Variants in CCDC169 observed in about 807,000 individuals in gnomAD.
CCDC169 encodes the protein coiled-coil domain-containing protein 169.
Under a neutral mutation model 36.0 loss-of-function variants are expected in CCDC169, and 30 were observed. That is an observed-to-expected ratio of 0.83 (90% CI 0.62 to 1.13). The LOEUF (loss-of-function observed/expected upper bound fraction) is 1.13. Among genes scored for constraint, CCDC169 ranks in the 50% most tolerant of loss-of-function variants. CCDC169 has a pLI of 0.00. For synonymous variants in CCDC169, 85 were observed against 81.5 expected, an observed-to-expected ratio of 1.04 and a Z score of -0.23; for missense variants, 245 against 245.9, an observed-to-expected ratio of 1.00 and a Z score of 0.03.
chr13:36,239,825 T>TTTTTTCCATGGAA (rs1473152896), intron 7 of CCDC169, among the ~76,000 whole-genome samples: 2 of 123,784 alleles, frequency 1.6e-5, no homozygotes, highest in African/African-American at 5.3e-5. Context: ...ATCCATGGTT[T>TTTTTTCCATGGAA]TACTTTCCAG....
chr13:36,276,388 T>TGGATTTCGGCAAATTGGCTTC (rs1319534403), intron 4 of CCDC169, among the ~76,000 whole-genome samples: 2 of 152,250 alleles, frequency 1.3e-5, no homozygotes, highest in Non-Finnish European at 2.9e-5. Context: ...TTCAAGGATT[T>TGGATTTCGGCAAATTGGCTTC]GGATTTCGGC....
At chr13:36,257,114 G>A (rs935933927) in intron 4 of CCDC169, among the ~76,000 whole-genome samples, 5 of 124,538 alleles carry the variant, frequency 4.0e-5, no homozygotes, top group African/African-American at 1.1e-4. Context: ...GCTGGGGATA[G>A]GGGAGGTACC....
chr13:36,266,034 A>G (rs535238099), intron 4 of CCDC169, among the ~76,000 whole-genome samples: 30 of 152,264 alleles, frequency 2.0e-4, no homozygotes, highest in African/African-American at 7.2e-4. Flanking sequence ...ATACTGTCAT[A>G]ATATAAACTT....
intron 4 of CCDC169, among the ~76,000 whole-genome samples, chr13:36,264,539 T>C (rs1032036985): frequency 6.6e-5 from 10 of 152,110 alleles, no homozygotes; most frequent in African/African-American, 1.9e-4. Flanking sequence ...AGAAGAGATA[T>C]GATGAAAATA....
At chr13:36,282,989 C>A (rs1481202288) in intron 4 of CCDC169, 3 of 154,924 alleles carry the variant, frequency 1.9e-5, no homozygotes, top group Admixed American at 1.3e-4. Context: ...AGAAAAGGCA[C>A]TAAGCTTAAC....
chr13:36,275,798 A>C (rs1205417600), intron 4 of CCDC169, among the ~76,000 whole-genome samples: 1 of 152,190 alleles, frequency 6.6e-6, no homozygotes, highest in African/African-American at 2.4e-5. Context: ...AATCTGAATC[A>C]TGGTAAAGAA....
At chr13:36,297,312 C>T (rs532885219) in intron 1 of CCDC169, among the ~76,000 whole-genome samples, 1 of 151,964 alleles carries the variant, frequency 6.6e-6, no homozygotes, top group South Asian at 2.1e-4. Flanking sequence ...GAATTTTAAG[C>T]AGAAAACCTG....
intron 6 of CCDC169, among the ~76,000 whole-genome samples, chr13:36,251,505 A>T (rs957748134): frequency 3.3e-5 from 5 of 152,048 alleles, no homozygotes; most frequent in African/African-American, 1.2e-4. Context: ...TTTTCATATA[A>T]ACTAAGGTAA....
chr13:36,272,503 G>A (rs1876229462), intron 4 of CCDC169, among the ~76,000 whole-genome samples: 1 of 152,138 alleles, frequency 6.6e-6, no homozygotes, highest in African/African-American at 2.4e-5. Context: ...GAGGTTCATT[G>A]TTGGGTCACC....
chr13:36,231,646 G>C (rs1383815152), intron 7 of CCDC169, among the ~76,000 whole-genome samples: 1 of 152,064 alleles, frequency 6.6e-6, no homozygotes, highest in African/African-American at 2.4e-5. Context: ...AATGACTTAT[G>C]TGGCACTAAA....
At chr13:36,231,782 A>G (rs1870460894) in intron 7 of CCDC169, among the ~76,000 whole-genome samples, 1 of 152,160 alleles carries the variant, frequency 6.6e-6, no homozygotes, top group Admixed American at 6.6e-5. Context: ...ATTAAGTCTA[A>G]CATCTGGACT....
chr13:36,281,900 T>C (rs1877587713), intron 4 of CCDC169, among the ~76,000 whole-genome samples: 1 of 152,124 alleles, frequency 6.6e-6, no homozygotes, highest in African/African-American at 2.4e-5. Flanking sequence ...TTTTAAGTTA[T>C]GTATATTTAC....
chr13:36,237,859 AG>A (rs1227627980), intron 7 of CCDC169, among the ~76,000 whole-genome samples: 1 of 152,236 alleles, frequency 6.6e-6, no homozygotes, highest in Non-Finnish European at 1.5e-5. Context: ...TACAATTGTC[AG>A]AGTGTTCCCT....
chr13:36,231,358 C>T, intron 7 of CCDC169, 66 bp from the exon 8 acceptor site: 1 of 1,450,820 alleles, frequency 6.9e-7, no homozygotes, highest in Admixed American at 2.0e-5. Context: ...ACATTATAGG[C>T]CACACAGGAA....
intron 7 of CCDC169, chr13:36,244,565 GC>G (rs1252614879): frequency 2.6e-5 from 4 of 152,034 alleles, no homozygotes; most frequent in Non-Finnish European, 4.4e-5. Flanking sequence ...CATCCCATGT[GC>G]CTTATGCCTT....
chr13:36,278,724 T>G, intron 4 of CCDC169, among the ~76,000 whole-genome samples: 1 of 152,126 alleles, frequency 6.6e-6, no homozygotes, highest in South Asian at 2.1e-4. Context: ...TCAACCTCAA[T>G]TCTATTTTTC....
At chr13:36,257,677 T>C (rs1468847314) in intron 4 of CCDC169, among the ~76,000 whole-genome samples, 1 of 150,398 alleles carries the variant, frequency 6.6e-6, no homozygotes, top group African/African-American at 2.5e-5. Context: ...TACTCCACCC[T>C]GGCAACACAG....
chr13:36,268,253 T>C (rs1194543472), intron 4 of CCDC169, among the ~76,000 whole-genome samples: 1 of 152,136 alleles, frequency 6.6e-6, no homozygotes, highest in African/African-American at 2.4e-5. Context: ...TTTTTTAAAA[T>C]TGAAATCATA....
chr13:36,240,850 C>T (rs1427234796), intron 7 of CCDC169, among the ~76,000 whole-genome samples: 2 of 152,054 alleles, frequency 1.3e-5, no homozygotes, highest in Non-Finnish European at 1.5e-5. Context: ...CTTGTCTAGA[C>T]TTTTTTGGCA....
Sources: gnomAD v4.1 joint callset for allele counts (sites outside exome capture counted in the v4.1 genomes callset) on GRCh38, gnomAD v4.1.1 for gene constraint, MANE v1.5 for transcripts, NCBI Gene and HGNC (gene_info 2026-07-23, HGNC 2026-07-21) for gene names.